LARGE1: variants seen among roughly 807,000 people sequenced by gnomAD.
LARGE1 encodes the protein xylosyl- and glucuronyltransferase LARGE1.
LARGE1 carries 43 observed loss-of-function variants against 87.6 expected under a neutral mutation model. The observed-to-expected ratio is 0.49, with a 90% confidence interval of 0.38 to 0.63. The LOEUF (loss-of-function observed/expected upper bound fraction) is 0.63, where lower values mean the gene tolerates loss of function less well. Among genes scored for constraint, LARGE1 ranks in the 30% least tolerant of loss-of-function variants. The probability of loss-of-function intolerance (pLI) is 0.00; values close to 1 mark genes in which losing one functional copy is unlikely to be tolerated. For missense variants in LARGE1, 802 were observed against 1,000.2 expected, an observed-to-expected ratio of 0.80 and a Z score of 2.67; for synonymous variants, 434 against 394.6, an observed-to-expected ratio of 1.10 and a Z score of -1.18.
At chr22:33,814,408 G>C (rs1384367362) in intron 1 of LARGE1, among the ~76,000 whole-genome samples, 1 of 152,178 alleles carries the variant, frequency 6.6e-6, no homozygotes, top group Non-Finnish European at 1.5e-5. Flanking sequence ...GTTTCAACTT[G>C]GCTAGGCTAT....
intron 7 of LARGE1, among the ~76,000 whole-genome samples, chr22:33,397,273 G>A (rs986419624): frequency 6.6e-6 from 1 of 152,078 alleles, no homozygotes; most frequent in African/African-American, 2.4e-5. Flanking sequence ...GTGCCACTAT[G>A]CCCGGCTAAT....
At chr22:33,475,424 A>ATATTTATT (rs71320980) in intron 6 of LARGE1, among the ~76,000 whole-genome samples, 3,708 of 135,260 alleles carry the variant, frequency 0.027, 71 homozygotes, top group Non-Finnish European at 0.031. Context: ...TCAGTGAGTC[A>ATATTTATT]TATTTATTTA....
intron 6 of LARGE1, among the ~76,000 whole-genome samples, chr22:33,551,281 C>T (rs1285216321): frequency 6.6e-6 from 1 of 152,180 alleles, no homozygotes; most frequent in Non-Finnish European, 1.5e-5. Context: ...GCAGATTCTC[C>T]AGTCACTGGT....
At chr22:33,103,215 C>T in the LARGE1 span, among the ~76,000 whole-genome samples, 10 of 151,862 alleles carry the variant, frequency 6.6e-5, no homozygotes, top group Non-Finnish European at 1.3e-4. Flanking sequence ...GGGCGGATCC[C>T]GAGGTCAGGA....
At position 33,697,549 on chromosome 22, in the gene LARGE1, CA is replaced by C. The variant is rs3072289; in HGVS notation, c.107-46882del. Among the ~76,000 whole-genome samples the C allele has an allele frequency of 8.7e-4, 47 of 54,114 alleles. 1 individual carries two copies. Among genetic ancestry groups the C allele is most frequent in the African/African-American group, 2.9e-3 (35 of 11,904 alleles). 35.5% of individuals were successfully genotyped at this position (54,114 alleles called of 152,430 possible). ...CTGGCGACAAAGCTAGACTCTGTCC[CA>C]AAAAAAAAAAAAAAAAAAAAGGAAA... On this transcript the variant is annotated intron_variant, in intron 2 of 14. Transcript: ENST00000397394.
intron 5 of LARGE1, among the ~76,000 whole-genome samples, chr22:33,594,762 A>G (rs2078933800): frequency 6.6e-6 from 1 of 152,128 alleles, no homozygotes; most frequent in African/African-American, 2.4e-5. Flanking sequence ...ACCCACCACC[A>G]TGCCCGGCTA....
chr22:33,381,726 C>T (rs972755493), intron 9 of LARGE1, among the ~76,000 whole-genome samples, 193 bp downstream of exon 9: 3 of 152,138 alleles, frequency 2.0e-5, no homozygotes, highest in Non-Finnish European at 4.4e-5. Context: ...AGGCTTTAGG[C>T]TTTCCAGAAA....
intron 1 of LARGE1, among the ~76,000 whole-genome samples, chr22:33,777,987 G>C (rs1216500177): frequency 6.6e-6 from 1 of 152,200 alleles, no homozygotes; most frequent in Non-Finnish European, 1.5e-5. Context: ...TCATGCTTTA[G>C]AGCAACATCT....
At chr22:33,333,245 C>A (rs1937977680) in intron 10 of LARGE1, among the ~76,000 whole-genome samples, 1 of 152,106 alleles carries the variant, frequency 6.6e-6, no homozygotes, top group African/African-American at 2.4e-5. Context: ...GTCTCGATCT[C>A]CTGACCTCAT....
chr22:33,447,671 T>G (rs914060175), intron 6 of LARGE1, among the ~76,000 whole-genome samples: 1 of 152,178 alleles, frequency 6.6e-6, no homozygotes, highest in African/African-American at 2.4e-5. Context: ...GAAATTACTA[T>G]GGTGTATGTC....
At chr22:33,094,084 T>C in the LARGE1 span, among the ~76,000 whole-genome samples, 22,227 of 152,000 alleles carry the variant, frequency 0.15, 2,132 homozygotes, top group East Asian at 0.41. Flanking sequence ...CTTCCTATTT[T>C]AGTTCAAAGT....
chr22:33,475,017 CT>C (rs1396628126), intron 6 of LARGE1, among the ~76,000 whole-genome samples: 1 of 152,102 alleles, frequency 6.6e-6, no homozygotes, highest in Non-Finnish European at 1.5e-5. Context: ...CAAACTGCAC[CT>C]CTTTTCACTC....
chr22:33,694,840 A>G (rs1253286716), intron 2 of LARGE1, among the ~76,000 whole-genome samples: 2 of 152,318 alleles, frequency 1.3e-5, no homozygotes, highest in Middle Eastern at 3.4e-3. Context: ...TCGTGTTTGC[A>G]TGCCAGCACT....
At chr22:33,217,105 T>C (rs1237314509) in intron 11 of LARGE1, among the ~76,000 whole-genome samples, 1 of 152,166 alleles carries the variant, frequency 6.6e-6, no homozygotes, top group Non-Finnish European at 1.5e-5. Flanking sequence ...AAGACTTTTC[T>C]ATGCAAATGA....
chr22:33,827,803 T>C (rs961411093), intron 1 of LARGE1, among the ~76,000 whole-genome samples: 2 of 152,154 alleles, frequency 1.3e-5, no homozygotes, highest in South Asian at 4.1e-4. Flanking sequence ...CTGGAGAGCT[T>C]TGTTCAAACA....
chr22:33,712,721 A>G (rs866514498), intron 2 of LARGE1, among the ~76,000 whole-genome samples: 1 of 151,438 alleles, frequency 6.6e-6, no homozygotes, highest in African/African-American at 2.4e-5. Context: ...GAGGCCAGCA[A>G]GAAAAGCCAC....
At chr22:33,453,017 T>C (rs760173273) in intron 6 of LARGE1, among the ~76,000 whole-genome samples, 3 of 152,210 alleles carry the variant, frequency 2.0e-5, no homozygotes, top group Non-Finnish European at 4.4e-5. Flanking sequence ...CATACCACCC[T>C]GGCCTGCCCT....
rs751512046 is a variant in LARGE1, at chr22:33,695,253, G to T, written c.107-44585C>A. ...CGAGAAGCTAGGATTACAGGCGCAC[G>T]CCACCATACCCTGCTAATTTTTCTA... On this transcript the variant is annotated intron_variant, in intron 2 of 14. Coordinates refer to ENST00000397394, the MANE Select transcript of LARGE1 (RefSeq NM_133642.5). Among the ~76,000 whole-genome samples, 14 of 151,750 alleles carry T rather than the reference G, an allele frequency of 9.2e-5. 1 individual carries two copies. The South Asian group carries it at 2.9e-3, about 32-fold the overall frequency.
chr22:33,900,926 A>AATCC (rs112530901), intron 1 of LARGE1, among the ~76,000 whole-genome samples: 5 of 152,308 alleles, frequency 3.3e-5, no homozygotes, highest in African/African-American at 1.2e-4. Flanking sequence ...ACACGCCTGT[A>AATCC]ATCCCACCTA....
Sources: allele counts gnomAD v4.1 joint callset (sites outside exome capture counted in the v4.1 genomes callset), GRCh38; gene constraint gnomAD v4.1.1; transcripts MANE v1.5; gene names NCBI Gene and HGNC (gene_info 2026-07-23, HGNC 2026-07-21).